The following DOP1B variants were observed in gnomAD, a reference collection of about 807,000 sequenced individuals.
DOP1B encodes the protein protein DOP1B.
DOP1B carries 174 observed loss-of-function variants against 233.5 expected under a neutral mutation model. That is an observed-to-expected ratio of 0.75 (90% CI 0.66 to 0.85). DOP1B has a LOEUF of 0.85. DOP1B is among the 40% of genes least tolerant of loss of function. The pLI is 0.00. For synonymous variants in DOP1B, 1,190 were observed against 1,185.6 expected (o/e 1.00, Z -0.08); for missense variants, 2,652 against 2,846.6 (o/e 0.93, Z 1.56).
At chr21:36,264,095 G>T (rs1466532085) in intron 26 of DOP1B, among the ~76,000 whole-genome samples, 2 of 152,154 alleles carry the variant, frequency 1.3e-5, no homozygotes, top group Non-Finnish European at 2.9e-5. Context: ...AGATGTATGT[G>T]GATCTCACTG....
At chr21:36,268,351 C>G (rs1387207483) in intron 26 of DOP1B, among the ~76,000 whole-genome samples, 3 of 152,146 alleles carry the variant, frequency 2.0e-5, no homozygotes, top group Admixed American at 6.6e-5. Context: ...AAATATGGCT[C>G]TTTTTTCCCA....
At chr21:36,278,684 A>G (rs2067381928) in intron 30 of DOP1B, among the ~76,000 whole-genome samples, 1 of 152,120 alleles carries the variant, frequency 6.6e-6, no homozygotes, top group Non-Finnish European at 1.5e-5. Flanking sequence ...CCTGGCCAAC[A>G]TGGCGAAACC....
intron 23 of DOP1B, among the ~76,000 whole-genome samples, chr21:36,256,430 G>A (rs1026854922): frequency 2.0e-5 from 3 of 152,118 alleles, no homozygotes; most frequent in African/African-American, 7.2e-5. Flanking sequence ...GACAGAGTGA[G>A]ACCCTGTCCA....
intron 2 of DOP1B, among the ~76,000 whole-genome samples, chr21:36,187,690 C>G (rs915951862): frequency 1.3e-5 from 2 of 152,112 alleles, no homozygotes; most frequent in Non-Finnish European, 2.9e-5. Context: ...CGCCCACAGC[C>G]TTGACCTCCT....
At chr21:36,241,127 T>C (rs2066887299) in intron 18 of DOP1B, among the ~76,000 whole-genome samples, 1 of 151,782 alleles carries the variant, frequency 6.6e-6, no homozygotes. Context: ...ACCCCATCTC[T>C]ACTAAAAATA....
rs540497363 is a variant in DOP1B, at chr21:36,282,406, G to A, written c.6160+795G>A. On this transcript the variant is annotated intron_variant, in intron 32 of 36. Transcript: ENST00000691173. ...GCACTCCAGCCTGGGCAACAAGAGC[G>A]AAACTCTGTCTCTAAATAAATACAT... 1.0e-3 allele frequency among the ~76,000 whole-genome samples: 155 copies of A among 151,800 alleles called. 2 individuals are homozygous for A. The highest frequency in any genetic ancestry group is 3.6e-3 in the African/African-American group (151 of 41,404).
Position 36,253,885 on chromosome 21 carries a change from A to G in DOP1B, c.5235A>G (p.Pro1745=), listed in dbSNP as rs761978709. 6.2e-7 allele frequency: 1 copy of G among 1,613,850 alleles called. No homozygotes were observed. The highest frequency in any genetic ancestry group is 8.5e-7 in the Non-Finnish European group (1 of 1,179,934). ...TGGTGAAGGAGGTGGTGAAGAGGCCACCCCAAGTCAAAGGGGGTGATGAGG... is the reference window on the plus strand; with the variant it reads ...TGGTGAAGGAGGTGGTGAAGAGGCCGCCCCAAGTCAAAGGGGGTGATGAGG... ...LHLVKEVVKR[P]PQVKGGDEKS... Residue 1745 remains proline (P), a synonymous_variant, in exon 23 of 37, where the codon CCA becomes CCG. Transcript: ENST00000691173.
In DOP1B at chr21:36,181,531, A is replaced by G. The variant is rs1245147777; in HGVS notation, c.138+16660A>G. Among the ~76,000 whole-genome samples, 4 of 152,192 alleles carry G rather than the reference A, an allele frequency of 2.6e-5. No individual in the cohort carries two copies. In the South Asian group the frequency reaches 8.3e-4, roughly 32 times the overall value. ...TGACCTCATGTGATCCACCCCCCTC[A>G]GCCTCCCAAAGTGCTGGGATTACAG... On this transcript the variant is annotated intron_variant, in intron 2 of 36. Coordinates refer to ENST00000691173, the MANE Select transcript of DOP1B (RefSeq NM_001320714.2).
At chr21:36,284,275 T>C (rs796115127) in intron 32 of DOP1B, among the ~76,000 whole-genome samples, 1 of 128,830 alleles carries the variant, frequency 7.8e-6, no homozygotes, top group Non-Finnish European at 1.6e-5. Context: ...CTTTTTTTTT[T>C]TTTTTTTTTT....
intron 2 of DOP1B, among the ~76,000 whole-genome samples, chr21:36,197,761 A>G (rs2123465884): frequency 6.6e-6 from 1 of 152,318 alleles, no homozygotes; most frequent in South Asian, 2.1e-4. Context: ...TGTAATCCCA[A>G]CAATTTGGGA....
intron 2 of DOP1B, among the ~76,000 whole-genome samples, chr21:36,177,315 A>C (rs1360181655): frequency 6.6e-6 from 1 of 152,196 alleles, no homozygotes; most frequent in Non-Finnish European, 1.5e-5. Context: ...TAAGATCGAG[A>C]TGGTCTTTTT....
chr21:36,215,599 T>G (rs145635036), intron 9 of DOP1B, among the ~76,000 whole-genome samples: 5,541 of 151,548 alleles, frequency 0.037, 192 homozygotes, highest in East Asian at 0.14. Context: ...GAGACAGGGT[T>G]TCATCATCTT....
chr21:36,237,514 G>A (rs2066842301), intron 16 of DOP1B, 100 bp downstream of exon 16: 3 of 1,443,546 alleles, frequency 2.1e-6, no homozygotes, highest in Non-Finnish European at 2.8e-6. Flanking sequence ...TCTTTCTGGG[G>A]CTGAGTGGAC....
At chr21:36,161,351 C>T (rs1290221529) in intron 1 of DOP1B, among the ~76,000 whole-genome samples, 1 of 152,074 alleles carries the variant, frequency 6.6e-6, no homozygotes, top group Non-Finnish European at 1.5e-5. Context: ...GTTGGCCAGG[C>T]TGGTCTCGAA....
intron 26 of DOP1B, among the ~76,000 whole-genome samples, chr21:36,266,783 C>T (rs534573458): frequency 1.1e-4 from 16 of 152,310 alleles, no homozygotes; most frequent in Non-Finnish European, 2.1e-4. Flanking sequence ...ATCTAAGACA[C>T]GTATTACTTT....
At chr21:36,212,262 A>G (rs777592963) in intron 7 of DOP1B, among the ~76,000 whole-genome samples, 165 bp downstream of exon 7, 19 of 152,254 alleles carry the variant, frequency 1.2e-4, no homozygotes, top group Non-Finnish European at 2.5e-4. Context: ...TCTGCTGCCT[A>G]CACATAGCTT....
chr21:36,178,518 T>C (rs1241979075), intron 2 of DOP1B, among the ~76,000 whole-genome samples: 2 of 151,998 alleles, frequency 1.3e-5, no homozygotes, highest in Admixed American at 6.6e-5. Flanking sequence ...GATGGCTGTC[T>C]GCAAGCCAGG....
chr21:36,176,428 A>G (rs892084453), intron 2 of DOP1B, among the ~76,000 whole-genome samples: 20 of 152,230 alleles, frequency 1.3e-4, no homozygotes, highest in African/African-American at 4.8e-4. Flanking sequence ...TTCAGCCTGC[A>G]GGGTGCCTGG....
intron 27 of DOP1B, among the ~76,000 whole-genome samples, chr21:36,275,297 T>C (rs564568934): frequency 1.3e-5 from 2 of 152,338 alleles, no homozygotes; most frequent in African/African-American, 2.4e-5. Flanking sequence ...AATGGAATTA[T>C]TGTTATTTGA....
Sources: gnomAD v4.1 joint callset for allele counts (sites outside exome capture counted in the v4.1 genomes callset) on GRCh38, gnomAD v4.1.1 for gene constraint, MANE v1.5 for transcripts, NCBI Gene and HGNC (gene_info 2026-07-23, HGNC 2026-07-21) for gene names.